The following NCOR1 variants were observed in gnomAD, a reference collection of about 807,000 sequenced individuals.
NCOR1 encodes the protein nuclear receptor corepressor 1.
Under a neutral mutation model 288.1 loss-of-function variants are expected in NCOR1, and 63 were observed. The ratio of observed to expected loss-of-function variants is 0.22; its 90% confidence interval spans 0.18 to 0.27. The LOEUF is 0.27. Ranked by LOEUF, NCOR1 falls within the 10% of genes least tolerant of loss-of-function variation. The pLI is 1.00. For synonymous variants in NCOR1, 1,007 were observed against 1,065.9 expected, an observed-to-expected ratio of 0.94 and a Z score of 1.08; for missense variants, 2,397 against 3,019.2, an observed-to-expected ratio of 0.79 and a Z score of 4.83.
intron 5 of NCOR1, among the ~76,000 whole-genome samples, chr17:16,161,502 G>A (rs1568402586): frequency 1.3e-5 from 2 of 152,104 alleles, no homozygotes; most frequent in Admixed American, 6.6e-5. Flanking sequence ...TGCCATGTTG[G>A]CCAGGCTGGT....
chr17:16,149,320 TAC>T, intron 9 of NCOR1, 129 bp downstream of exon 9: 1 of 283,198 alleles, frequency 3.5e-6, no homozygotes. Flanking sequence ...TATATATGGT[TAC>T]TTTCTAAATC....
chr17:16,092,695 ATTTTTTTTTTTTT>A (rs1184440315), intron 21 of NCOR1, among the ~76,000 whole-genome samples: 1 of 22,602 alleles, frequency 4.4e-5, no homozygotes, highest in African/African-American at 2.1e-4. Context: ...ATATATATAT[ATTTTTTTTTTTTT>A]TTTTTTTTAA....
intron 26 of NCOR1, among the ~76,000 whole-genome samples, chr17:16,077,905 C>T (rs1468544468): frequency 6.6e-6 from 1 of 152,140 alleles, no homozygotes; most frequent in Non-Finnish European, 1.5e-5. Flanking sequence ...TAGAGTACTA[C>T]AACTTTTTCT....
intron 14 of NCOR1, among the ~76,000 whole-genome samples, chr17:16,127,587 A>G (rs149846687): frequency 2.1e-5 from 3 of 143,168 alleles, no homozygotes; most frequent in Admixed American, 7.0e-5. Flanking sequence ...ACATATGTGT[A>G]TATATGTATG....
chr17:16,122,432 T>C (rs1270900737), intron 15 of NCOR1, among the ~76,000 whole-genome samples: 2 of 152,218 alleles, frequency 1.3e-5, no homozygotes, highest in Non-Finnish European at 2.9e-5. Flanking sequence ...TTAAAAGATG[T>C]TTTCTCAAAA....
At position 16,080,491 on chromosome 17, in the gene NCOR1, T is replaced by C. The variant is rs1259464371; in HGVS notation, c.3317A>G (p.Lys1106Arg). 2.5e-6 allele frequency: 4 copies of C among 1,614,182 alleles called. 1 individual carries two copies. Among genetic ancestry groups the C allele is most frequent in the East Asian group, 4.5e-5 (2 of 44,876 alleles). Residue 1106 changes from lysine (K) to arginine (R), a missense_variant, in exon 25 of 46, where the codon AAG (lysine) becomes AGG (arginine). By Grantham distance (26) the Lys-to-Arg change is conservative. Coordinates refer to ENST00000268712, the MANE Select transcript of NCOR1 (RefSeq NM_006311.4). ...GCTTCGGGGAGAAAATTCTTCCTGC[T>C]TGATGTAGGGCAAAGTAGCTGTGGA... The part of the protein sequence containing the change: ...SAKSATLPYI[K>R]QEEFSPRSQN...
intron 1 of NCOR1, among the ~76,000 whole-genome samples, chr17:16,196,347 A>G (rs1405172565): frequency 5.3e-5 from 8 of 152,020 alleles, no homozygotes; most frequent in Non-Finnish European, 8.8e-5. Context: ...AAAATTTTTT[A>G]GGGAATTGTC....
intron 18 of NCOR1, among the ~76,000 whole-genome samples, chr17:16,116,160 CA>C (rs907642731): frequency 5.3e-5 from 8 of 152,244 alleles, no homozygotes; most frequent in Non-Finnish European, 8.8e-5. Flanking sequence ...ACGAGAATAG[CA>C]TGAGAAAAAG....
At chr17:16,092,140 T>C in intron 21 of NCOR1, 82 bp from the exon 22 acceptor site, 3 of 1,456,186 alleles carry the variant, frequency 2.1e-6, no homozygotes, top group Non-Finnish European at 1.9e-6. Flanking sequence ...AATGCTTATT[T>C]CTGTCATGTT....
chr17:16,089,811 G>A (rs1208059432), intron 22 of NCOR1, among the ~76,000 whole-genome samples: 1 of 152,042 alleles, frequency 6.6e-6, no homozygotes, highest in Non-Finnish European at 1.5e-5. Flanking sequence ...CCTATACACT[G>A]AACTACAGGA....
chr17:16,156,568 AAAAG>A (rs1428604598), intron 6 of NCOR1, among the ~76,000 whole-genome samples: 2 of 152,126 alleles, frequency 1.3e-5, no homozygotes, highest in Non-Finnish European at 2.9e-5. Context: ...AGAAAAAAGG[AAAAG>A]AAAGATGACT....
At chr17:16,042,065 G>A (rs1222568158) in intron 42 of NCOR1, among the ~76,000 whole-genome samples, 3 of 152,144 alleles carry the variant, frequency 2.0e-5, no homozygotes, top group Non-Finnish European at 2.9e-5. Context: ...GACCACAGAA[G>A]GATGGACTCT....
At chr17:16,136,909 A>G (rs1382787229) in intron 14 of NCOR1, among the ~76,000 whole-genome samples, 2 of 151,884 alleles carry the variant, frequency 1.3e-5, no homozygotes, top group Non-Finnish European at 2.9e-5. Flanking sequence ...TTTGTAAAGA[A>G]TCTCTAATCA....
Position 16,144,439 on chromosome 17 carries a change from T to A in NCOR1, c.1083-743A>T, listed in dbSNP as rs150666225. On this transcript the variant is annotated intron_variant, in intron 10 of 45. Transcript: ENST00000268712. ...TGATAATAAAGTTTTCTTTTCAACATAAAAGTTCTTTTAACTTTTAAGTTA... is the reference window on the plus strand; with the variant it reads ...TGATAATAAAGTTTTCTTTTCAACAAAAAAGTTCTTTTAACTTTTAAGTTA... Among the ~76,000 whole-genome samples, 84 of 152,338 alleles carry A rather than the reference T, an allele frequency of 5.5e-4. No homozygotes were observed. In the East Asian group the frequency reaches 0.012, roughly 21 times the overall value.
At chr17:16,057,378 G>GTTC in intron 40 of NCOR1, 136 bp downstream of exon 40, 1 of 817,438 alleles carries the variant, frequency 1.2e-6, no homozygotes, top group Non-Finnish European at 1.9e-6. Flanking sequence ...GCAGGGGGAA[G>GTTC]AAAGCTCATT....
intron 26 of NCOR1, among the ~76,000 whole-genome samples, chr17:16,078,550 A>G (rs1186373378): frequency 6.6e-6 from 1 of 151,506 alleles, no homozygotes; most frequent in African/African-American, 2.4e-5. Flanking sequence ...CTGTTAAAAC[A>G]GAAACACACT....
At chr17:16,060,916 A>G (rs895329807) in intron 37 of NCOR1, among the ~76,000 whole-genome samples, 2 of 152,248 alleles carry the variant, frequency 1.3e-5, no homozygotes, top group Non-Finnish European at 2.9e-5. Context: ...ATGACTAACC[A>G]GACTTGAACA....
chr17:16,176,101 C>A (rs1279490568), intron 3 of NCOR1, among the ~76,000 whole-genome samples: 1 of 152,022 alleles, frequency 6.6e-6, no homozygotes, highest in Non-Finnish European at 1.5e-5. Context: ...TGCCCGTAAT[C>A]CCAGCTACTT....
chr17:16,169,030 T>A (rs1012095120), intron 4 of NCOR1, among the ~76,000 whole-genome samples: 2 of 151,956 alleles, frequency 1.3e-5, no homozygotes, highest in African/African-American at 4.8e-5. Context: ...CCTAAATGTA[T>A]GACAATTGAT....
Sources: gnomAD v4.1 joint callset for allele counts (sites outside exome capture counted in the v4.1 genomes callset) on GRCh38, gnomAD v4.1.1 for gene constraint, MANE v1.5 for transcripts, NCBI Gene and HGNC (gene_info 2026-07-23, HGNC 2026-07-21) for gene names.